ARNT: variants seen among roughly 807,000 people sequenced by gnomAD.
The protein encoded by ARNT is class E basic helix-loop-helix protein 2.
A neutral mutation model predicts 105.0 loss-of-function variants in ARNT; 30 were observed. The observed-to-expected ratio is 0.29, with a 90% CI of 0.21 to 0.39. The LOEUF is 0.39. Ranked by LOEUF, ARNT falls within the 10% of genes least tolerant of loss-of-function variation. The pLI is 1.00. For missense variants in ARNT, 748 were observed against 978.7 expected (o/e 0.76, Z 3.15); for synonymous variants, 304 against 344.0 (o/e 0.88, Z 1.29).
chr1:150,852,375 G>A (rs1174762735), intron 3 of ARNT, among the ~76,000 whole-genome samples: 1 of 152,104 alleles, frequency 6.6e-6, no homozygotes, highest in Non-Finnish European at 1.5e-5. Context: ...CACATAGACA[G>A]AAATACCCAG....
chr1:150,831,759 T>G, intron 10 of ARNT, 59 bp downstream of exon 10: 2 of 1,181,456 alleles, frequency 1.7e-6, no homozygotes, highest in Admixed American at 4.2e-5. Context: ...TTAGCTTTCA[T>G]GGACTCTGTG....
intron 1 of ARNT, among the ~76,000 whole-genome samples, chr1:150,870,533 T>C (rs1203074032): frequency 1.3e-5 from 2 of 152,052 alleles, no homozygotes; most frequent in African/African-American, 4.8e-5. Context: ...AGGGTCTCAC[T>C]CTGTCTCCTA....
At chr1:150,867,594 G>A (rs1234544096) in intron 1 of ARNT, among the ~76,000 whole-genome samples, 1 of 152,186 alleles carries the variant, frequency 6.6e-6, no homozygotes, top group Non-Finnish European at 1.5e-5. Flanking sequence ...GAGAAGCCAG[G>A]AATGAAATTT....
rs1452093626 is a variant in ARNT at position 150,871,158 on chromosome 1, G to C, written c.25+5385C>G. Among the ~76,000 whole-genome samples, 7 of 152,202 alleles carry C rather than the reference G, an allele frequency of 4.6e-5. No homozygotes were observed. In the East Asian group the frequency reaches 1.4e-3, roughly 30 times the overall value. On this transcript the variant is annotated intron_variant, in intron 1 of 21. Coordinates refer to ENST00000358595, the MANE Select transcript of ARNT (RefSeq NM_001668.4). ...ATAGGAAAGTGCAGCCTGGCATATA[G>C]AAGGAACTTAATTATCCACTCCTTT...
At chr1:150,829,312 A>G (rs921503940) in intron 11 of ARNT, 85 bp from the exon 12 acceptor site, 8 of 1,393,706 alleles carry the variant, frequency 5.7e-6, no homozygotes, top group Non-Finnish European at 7.9e-6. Flanking sequence ...TTTTGCATAG[A>G]CATAAGATTC....
chr1:150,876,213 G>T (rs963670078), intron 1 of ARNT, among the ~76,000 whole-genome samples: 1 of 152,188 alleles, frequency 6.6e-6, no homozygotes, highest in Non-Finnish European at 1.5e-5. Context: ...GCGGGCAGAG[G>T]GTTAAAAGAG....
intron 1 of ARNT, among the ~76,000 whole-genome samples, chr1:150,861,544 T>A (rs1665640548): frequency 6.6e-6 from 1 of 152,150 alleles, no homozygotes; most frequent in African/African-American, 2.4e-5. Context: ...ACATGGTGGC[T>A]TACACCTGTA....
At chr1:150,873,649 T>C (rs1667813530) in intron 1 of ARNT, among the ~76,000 whole-genome samples, 1 of 152,196 alleles carries the variant, frequency 6.6e-6, no homozygotes, top group South Asian at 2.1e-4. Flanking sequence ...GCCGGGTCAG[T>C]GGCTCACACC....
At chr1:150,825,516 G>C (rs957696082) in intron 13 of ARNT, among the ~76,000 whole-genome samples, 1 of 152,120 alleles carries the variant, frequency 6.6e-6, no homozygotes, top group Non-Finnish European at 1.5e-5. Context: ...ACAATTAACA[G>C]TCAGCTTATA....
At position 150,846,287 on chromosome 1, in the gene ARNT, G is replaced by C; in HGVS notation, c.203C>G (p.Ser68Cys). ...CCTGGCAAACCGCTCCTTATCGTTAGACATCTGATCATCATCACACCTGAA... is the reference window on the plus strand; with the variant it reads ...CCTGGCAAACCGCTCCTTATCGTTACACATCTGATCATCATCACACCTGAA... ...KFLRCDDDQM[S>C]NDKERFARSD... The change falls in exon 4 of 22, where the codon TCT (serine) becomes TGT (cysteine). Residue 68 changes from serine to cysteine, a missense_variant. Around this residue, in one of 4 missense-constraint regions of ARNT, gnomAD observed 93 missense variants for 101.6 expected, o/e 0.92. Transcript: ENST00000358595. 6.2e-7 allele frequency: 1 copy of C among 1,613,640 alleles called. No homozygotes were observed. Among genetic ancestry groups the C allele is most frequent in the Non-Finnish European group, 8.5e-7 (1 of 1,179,708 alleles).
At chr1:150,825,646 C>G (rs919304380) in intron 13 of ARNT, among the ~76,000 whole-genome samples, 4 of 152,042 alleles carry the variant, frequency 2.6e-5, no homozygotes, top group Admixed American at 1.3e-4. Context: ...GTCAGGAGAT[C>G]GAGACCATCC....
chr1:150,816,426 GTAAAAGAT>G lies in ARNT; in HGVS notation c.1803-28_1803-21del. 1 of 1,596,982 alleles carries G rather than the reference GTAAAAGAT, an allele frequency of 6.3e-7. No individual in the cohort carries two copies. The highest frequency in any genetic ancestry group is 8.5e-7 in the Non-Finnish European group (1 of 1,174,730). On this transcript the variant is annotated intron_variant, in intron 18 of 21. Transcript: ENST00000358595. ...CTATTCCTAGGAGTGAATAAATGAG[GTAAAAGAT>G]TAAAAGGATAGATTTATCACAGAAG...
chr1:150,817,434 C>T lies in ARNT; in HGVS notation c.1506-1G>A. ...CAATTCTGTTTGCTGTTGCTGCTGCCTATATGTCAAAGGCCAGTTGACAAG... is the reference window on the plus strand; with the variant it reads ...CAATTCTGTTTGCTGTTGCTGCTGCTTATATGTCAAAGGCCAGTTGACAAG... On this transcript the variant is annotated splice_acceptor_variant, in intron 15 of 21. Transcript: ENST00000358595. LOFTEE classifies it high-confidence loss of function. 1 of 1,613,900 alleles carries T rather than the reference C, an allele frequency of 6.2e-7. No homozygotes were observed. Among genetic ancestry groups the T allele is most frequent in the Non-Finnish European group, 8.5e-7 (1 of 1,179,968 alleles).
intron 8 of ARNT, 147 bp from the exon 9 acceptor site, chr1:150,832,546 G>A (rs1659533573): frequency 1.4e-6 from 1 of 724,948 alleles, no homozygotes; most frequent in African/African-American, 1.8e-5. Flanking sequence ...GATAGGTCAA[G>A]TTTAGTATTT....
chr1:150,853,281 C>CA (rs762446224), intron 2 of ARNT: 10,072 of 300,198 alleles, frequency 0.034, no homozygotes, highest in South Asian at 0.053. Flanking sequence ...GACTCCATCT[C>CA]AAAAAAAAAA....
At chr1:150,861,417 T>C (rs796567537) in intron 1 of ARNT, 1 of 273,678 alleles carries the variant, frequency 3.7e-6, no homozygotes, top group Non-Finnish European at 7.3e-6. Flanking sequence ...GAAAGCAGGG[T>C]CTCAAAGAAA....
At chr1:150,823,653 C>T (rs898133702) in intron 13 of ARNT, among the ~76,000 whole-genome samples, 1 of 151,396 alleles carries the variant, frequency 6.6e-6, no homozygotes, top group Non-Finnish European at 1.5e-5. Context: ...CGGGTTCAAG[C>T]GATTTTCTTG....
At chr1:150,868,890 T>C (rs1215304466) in intron 1 of ARNT, among the ~76,000 whole-genome samples, 2 of 141,878 alleles carry the variant, frequency 1.4e-5, no homozygotes, top group African/African-American at 5.3e-5. Flanking sequence ...AAAGCAAGAC[T>C]CCGTCTCAAA....
At chr1:150,816,079 A>AT (rs987000037) in intron 19 of ARNT, among the ~76,000 whole-genome samples, 180 bp downstream of exon 19, 19 of 151,806 alleles carry the variant, frequency 1.3e-4, no homozygotes, top group Admixed American at 3.9e-4. Flanking sequence ...CTCTACTGAG[A>AT]TTTTTTTTTA....
Sources: gnomAD v4.1 joint callset for allele counts (sites outside exome capture counted in the v4.1 genomes callset) on GRCh38, gnomAD v4.1.1 for gene constraint, gnomAD v4.1.1 regional missense constraint, MANE v1.5 for transcripts, NCBI Gene and HGNC (gene_info 2026-07-23, HGNC 2026-07-21) for gene names.